Variants in ARHGEF1 observed in about 807,000 individuals in gnomAD.
ARHGEF1 encodes the protein Rho guanine nucleotide exchange factor 1.
In ARHGEF1, 40 loss-of-function variants were observed where a neutral mutation model predicts 119.7. The ratio of observed to expected loss-of-function variants is 0.33; its 90% confidence interval spans 0.26 to 0.44. The LOEUF is 0.44. Among genes scored for constraint, ARHGEF1 ranks in the 20% least tolerant of loss-of-function variants. The pLI, the probability that ARHGEF1 is intolerant of heterozygous loss-of-function variation, is 1.00. For missense variants in ARHGEF1, 976 were observed against 1,268.3 expected (o/e 0.77, Z 3.50); for synonymous variants, 494 against 521.0 (o/e 0.95, Z 0.71).
chr19:41,903,322 G>C lies in ARHGEF1; in HGVS notation c.1754G>C (p.Arg585Pro). The change falls in exon 19 of 29, where the codon CGG becomes CCG. Residue 585 changes from arginine (R) to proline (P), a missense_variant. This residue lies in a region of ARHGEF1 where 286 missense variants were observed against 506.8 expected (regional missense o/e 0.56). Coordinates refer to ENST00000354532, the MANE Select transcript of ARHGEF1 (RefSeq NM_004706.4). The surrounding 1 kb of genome is among the most constrained non-coding windows in gnomAD (Gnocchi z 4.2). Reference sequence around the variant, plus strand: ...TTGCCTGCAGAAGAGCCCACAGAACGGGAGAAAGTGGAGCTGGCAGCCGAG... The same window carrying C: ...TTGCCTGCAGAAGAGCCCACAGAACCGGAGAAAGTGGAGCTGGCAGCCGAG... ...IGQNTEEPTE[R>P]EKVELAAECC... 6.2e-7 allele frequency: 1 copy of C among 1,613,938 alleles called. No individual in the cohort carries two copies. The highest frequency in any genetic ancestry group is 8.5e-7 in the Non-Finnish European group (1 of 1,180,010).
chr19:41,902,257 T>C lies in ARHGEF1; in HGVS notation c.1415-17T>C. 6.2e-7 allele frequency: 1 copy of C among 1,613,846 alleles called. No individual in the cohort carries two copies. Among genetic ancestry groups the C allele is most frequent in the Non-Finnish European group, 8.5e-7 (1 of 1,179,856 alleles). ...TCCAGACCCTGGTGGAGCATCCCTT[T>C]CCTCCTGCCCCCACAGCCCTGTTCC... On this transcript the variant is annotated splice_polypyrimidine_tract_variant and intron_variant, in intron 15 of 28. Coordinates refer to ENST00000354532, the MANE Select transcript of ARHGEF1 (RefSeq NM_004706.4). The surrounding 1 kb of genome is among the most constrained non-coding windows in gnomAD (Gnocchi z 6.5).
intron 1 of ARHGEF1, 107 bp from the exon 2 acceptor site, chr19:41,887,957 G>C (rs782758523): frequency 9.9e-5 from 125 of 1,264,866 alleles, no homozygotes; most frequent in Non-Finnish European, 1.3e-4. Context: ...AGGCTGGGAT[G>C]GGGGAGGCTG....
chr19:41,909,508 G>T, downstream of ARHGEF1: 1 of 1,249,102 alleles, frequency 8.0e-7, no homozygotes, highest in Non-Finnish European at 1.0e-6. This position sits in a 1 kb window ranked among gnomAD's most constrained non-coding sequence, Gnocchi z 5.2. Flanking sequence ...AGGTGCAGGG[G>T]GAGCCCTGGG....
In ARHGEF1 at chr19:41,904,485, C is replaced by G; in HGVS notation, c.2161+102C>G. The G allele has an allele frequency of 1.5e-6, 2 of 1,356,840 alleles. No homozygotes were observed. Among genetic ancestry groups the G allele is most frequent in the South Asian group, 1.5e-5 (1 of 67,576 alleles). 84.1% of individuals were successfully genotyped at this position (1,356,840 alleles called of 1,614,324 possible). ...ACCCTCTAGAGAGCCAGGGAGCCAG[C>G]ATTCTAGCAAAGAGGTTGAGAAGTA... On this transcript the variant is annotated intron_variant, in intron 22 of 28. Coordinates refer to ENST00000354532, the MANE Select transcript of ARHGEF1 (RefSeq NM_004706.4). The surrounding 1 kb of genome is among the most constrained non-coding windows in gnomAD (Gnocchi z 8.4).
chr19:41,908,951 C>T (rs1394878595), downstream of ARHGEF1: 3 of 661,426 alleles, frequency 4.5e-6, no homozygotes, highest in Admixed American at 4.4e-5. This position sits in a 1 kb window ranked among gnomAD's most constrained non-coding sequence, Gnocchi z 6.7. Context: ...TACAACCTGG[C>T]CCTGGGCCCC....
At chr19:41,914,655 CATCTCT>C (rs1243166699) in intron 18 of ARHGEF1, among the ~76,000 whole-genome samples, 2 of 33,288 alleles carry the variant, frequency 6.0e-5, no homozygotes, top group East Asian at 1.2e-3. Flanking sequence ...CCCTTTCCAC[CATCTCT>C]GTCTCTCCCT....
intron 1 of ARHGEF1, among the ~76,000 whole-genome samples, chr19:41,926,264 C>T (rs782357727): frequency 2.0e-5 from 3 of 151,182 alleles, no homozygotes; most frequent in Non-Finnish European, 4.4e-5. Context: ...GTGAGGGGGA[C>T]AAGTGTTACC....
chr19:41,924,622 G>A (rs2074861275), intron 1 of ARHGEF1, among the ~76,000 whole-genome samples: 1 of 152,158 alleles, frequency 6.6e-6, no homozygotes, highest in Non-Finnish European at 1.5e-5. Flanking sequence ...GCTACTCAGA[G>A]AATGATACCT....
downstream of ARHGEF1, chr19:41,907,494 C>T (rs2074721060): frequency 7.8e-7 from 1 of 1,284,662 alleles, no homozygotes; most frequent in African/African-American, 1.5e-5. Context: ...GGCATGGCGT[C>T]TGGAACTCTC....
chr19:41,923,251 C>T, intron 1 of ARHGEF1: 2 of 449,138 alleles, frequency 4.5e-6, no homozygotes, highest in South Asian at 3.2e-5. Flanking sequence ...TGACTCTAGG[C>T]CCCCGATATT....
intron 13 of ARHGEF1, chr19:41,897,543 G>T: frequency 3.6e-6 from 1 of 279,144 alleles, no homozygotes; most frequent in Admixed American, 5.0e-5. Flanking sequence ...GAGGGGGTCA[G>T]TCCTATGCTC....
intron 1 of ARHGEF1, chr19:41,928,034 A>G (rs1772262674): frequency 6.6e-6 from 1 of 151,736 alleles, no homozygotes; most frequent in Non-Finnish European, 1.5e-5. Flanking sequence ...CGCGGCGCTC[A>G]CTCACTTTCT....
rs1378543915 is a variant in ARHGEF1, at chr19:41,912,879, G to T, written c.1865+6076G>T. On this transcript the variant is annotated intron_variant, in intron 18 of 20. Transcript: ENST00000599589. ...GGGGGTCCAGAGAGCCGGCAGGGCGGGCGGGGCGAAGAGAAGGTCGGAGAC... is the reference window on the plus strand; with the variant it reads ...GGGGGTCCAGAGAGCCGGCAGGGCGTGCGGGGCGAAGAGAAGGTCGGAGAC... The T allele has an allele frequency of 1.5e-5, 19 of 1,231,244 alleles. No individual in the cohort carries two copies. In the Admixed American group the frequency reaches 5.9e-4, roughly 38 times the overall value. 76.3% of individuals were successfully genotyped at this position (1,231,244 alleles called of 1,614,324 possible).
Position 41,892,296 on chromosome 19 carries a change from G to GT in ARHGEF1, c.325-34dup. 1 of 1,613,026 alleles carries GT rather than the reference G, an allele frequency of 6.2e-7. No individual in the cohort carries two copies. On this transcript the variant is annotated intron_variant, in intron 5 of 28. Transcript: ENST00000354532. This position sits in a 1 kb window ranked among gnomAD's most constrained non-coding sequence, Gnocchi z 6.3. ...CCCGGCCTGCATCTCAGCACACCAAGTCCTCCTCTTCACCCCATTCTCTCT... is the reference window on the plus strand; with the variant it reads ...CCCGGCCTGCATCTCAGCACACCAAGTTCCTCCTCTTCACCCCATTCTCTCT...
At chr19:41,924,017 TG>T (rs2074857689) in intron 1 of ARHGEF1, among the ~76,000 whole-genome samples, 1 of 9,296 alleles carries the variant, frequency 1.1e-4, no homozygotes, top group African/African-American at 4.8e-4. Context: ...TCTGGGGAGG[TG>T]GGGGTGCTCT....
At chr19:41,897,752 C>G in intron 13 of ARHGEF1, 1 of 506,304 alleles carries the variant, frequency 2.0e-6, no homozygotes, top group East Asian at 3.4e-5. Flanking sequence ...CTGGTCTCTC[C>G]CCGTCTCTGT....
chr19:41,893,930 G>T (rs535771830), intron 8 of ARHGEF1, among the ~76,000 whole-genome samples: 2 of 144,908 alleles, frequency 1.4e-5, no homozygotes, highest in African/African-American at 5.1e-5. Context: ...AGGGAGGAGG[G>T]GGCTGGGGGC....
chr19:41,926,972 C>A (rs950328492), intron 1 of ARHGEF1, among the ~76,000 whole-genome samples: 3 of 150,642 alleles, frequency 2.0e-5, no homozygotes, highest in African/African-American at 7.4e-5. Flanking sequence ...GAAAGAGATG[C>A]CGAGAAAGGA....
Position 41,906,848 on chromosome 19 carries a change from G to T in ARHGEF1, c.*17+45G>T, listed in dbSNP as rs1335990558. On this transcript the variant is annotated intron_variant, in intron 28 of 28. Transcript: ENST00000354532. The surrounding 1 kb of genome is among the most constrained non-coding windows in gnomAD (Gnocchi z 4.5). ...GCCAGGGCGCTGTCCTGAAAGGAGG[G>T]TCCCCCTCCAGAGCTCGCATCCCTA... 29 of 1,480,586 alleles carry T rather than the reference G, an allele frequency of 2.0e-5. No individual in the cohort carries two copies. Among genetic ancestry groups the T allele is most frequent in the Non-Finnish European group, 2.7e-5 (29 of 1,093,276 alleles). 91.7% of individuals were successfully genotyped at this position (1,480,586 alleles called of 1,614,324 possible).
Sources: gnomAD v4.1 joint callset for allele counts (sites outside exome capture counted in the v4.1 genomes callset) on GRCh38, gnomAD v4.1.1 for gene constraint, gnomAD v4.1.1 regional missense constraint, Gnocchi (gnomAD v3.1) non-coding constraint, MANE v1.5 for transcripts, NCBI Gene and HGNC (gene_info 2026-07-23, HGNC 2026-07-21) for gene names.